The following CYP19A1 variants were observed in gnomAD, a reference collection of about 807,000 sequenced individuals.
CYP19A1 encodes cytochrome P450 family 19 subfamily A member 1, also known as aromatase.
A neutral mutation model predicts 44.4 loss-of-function variants in CYP19A1; 32 were observed. The observed-to-expected ratio is 0.72, with a 90% CI of 0.54 to 0.97. The LOEUF (loss-of-function observed/expected upper bound fraction) is 0.97, where lower values mean the gene tolerates loss of function less well. Among genes scored for constraint, CYP19A1 ranks in the 50% least tolerant of loss-of-function variants. The pLI is 0.00. For synonymous variants in CYP19A1, 212 were observed against 215.6 expected, an observed-to-expected ratio of 0.98 and a Z score of 0.14; for missense variants, 598 against 637.8, an observed-to-expected ratio of 0.94 and a Z score of 0.67.
intron 1 of CYP19A1, among the ~76,000 whole-genome samples, chr15:51,323,469 A>G (rs1008372016): frequency 2.0e-5 from 3 of 152,086 alleles, no homozygotes; most frequent in African/African-American, 4.8e-5. Flanking sequence ...TCCAGCACAA[A>G]ATTTTTGGAT....
chr15:51,306,155 C>T (rs1042090936), intron 1 of CYP19A1, among the ~76,000 whole-genome samples: 3 of 152,170 alleles, frequency 2.0e-5, no homozygotes, highest in Non-Finnish European at 4.4e-5. Flanking sequence ...GTGACTGGTG[C>T]TGGATATGGC....
At chr15:51,328,680 C>T (rs1169062708) in intron 1 of CYP19A1, among the ~76,000 whole-genome samples, 1 of 151,946 alleles carries the variant, frequency 6.6e-6, no homozygotes, top group Non-Finnish European at 1.5e-5. Flanking sequence ...TTTTATGTGT[C>T]AACTTGACTG....
At chr15:51,275,783 GTAGT>G (rs2035285951) in intron 1 of CYP19A1, among the ~76,000 whole-genome samples, 1 of 152,160 alleles carries the variant, frequency 6.6e-6, no homozygotes, top group African/African-American at 2.4e-5. Context: ...GGCCAACCAT[GTAGT>G]TATTGAACAA....
chr15:51,211,383 T>C (rs527811453), intron 9 of CYP19A1, among the ~76,000 whole-genome samples: 1 of 152,320 alleles, frequency 6.6e-6, no homozygotes, highest in East Asian at 1.9e-4. Flanking sequence ...TACTATTGTT[T>C]TATAAGTCAC....
At chr15:51,250,885 G>A (rs1319129002) in intron 1 of CYP19A1, among the ~76,000 whole-genome samples, 1 of 152,244 alleles carries the variant, frequency 6.6e-6, no homozygotes, top group Non-Finnish European at 1.5e-5. Flanking sequence ...AGTAGATAAG[G>A]TAGTGGAATT....
At chr15:51,264,292 G>A (rs1446415177) in intron 1 of CYP19A1, among the ~76,000 whole-genome samples, 3 of 152,104 alleles carry the variant, frequency 2.0e-5, no homozygotes, top group East Asian at 1.9e-4. Flanking sequence ...CATCACTGAC[G>A]GTGCAGTCAT....
chr15:51,249,399 C>T (rs549867992), intron 1 of CYP19A1, among the ~76,000 whole-genome samples: 1 of 152,332 alleles, frequency 6.6e-6, no homozygotes, highest in East Asian at 1.9e-4. Flanking sequence ...CCTGCTTCTT[C>T]TTCTCCTTGC....
intron 1 of CYP19A1, among the ~76,000 whole-genome samples, chr15:51,310,555 T>C (rs923949414): frequency 6.6e-6 from 1 of 152,194 alleles, no homozygotes; most frequent in Non-Finnish European, 1.5e-5. Context: ...GCCATCACCT[T>C]GGCAGCAGCT....
chr15:51,216,985 C>T (rs1011330713), intron 6 of CYP19A1, among the ~76,000 whole-genome samples: 34 of 152,138 alleles, frequency 2.2e-4, no homozygotes, highest in African/African-American at 7.2e-4. Context: ...TTCTGTATTA[C>T]GTTAAATGTA....
chr15:51,259,343 G>A (rs1595730485), intron 1 of CYP19A1, among the ~76,000 whole-genome samples: 1 of 152,136 alleles, frequency 6.6e-6, no homozygotes, highest in Admixed American at 6.5e-5. Context: ...ACATTATTCT[G>A]TCTATATGCA....
At chr15:51,309,126 G>A (rs924264160) in intron 1 of CYP19A1, among the ~76,000 whole-genome samples, 4 of 152,188 alleles carry the variant, frequency 2.6e-5, no homozygotes, top group Admixed American at 1.3e-4. Flanking sequence ...TTATGTGGTG[G>A]GACCTTTTGA....
intron 1 of CYP19A1, among the ~76,000 whole-genome samples, chr15:51,251,891 G>C (rs2034324169): frequency 6.6e-6 from 1 of 152,160 alleles, no homozygotes; most frequent in Non-Finnish European, 1.5e-5. Flanking sequence ...GGGCCACCTA[G>C]CCTCTCTGGA....
At chr15:51,237,445 C>A (rs2033478859) in intron 2 of CYP19A1, among the ~76,000 whole-genome samples, 1 of 152,088 alleles carries the variant, frequency 6.6e-6, no homozygotes, top group African/African-American at 2.4e-5. Context: ...GTTTGAGTGC[C>A]CCGGTTGACA....
At chr15:51,328,951 A>G (rs1752003133) in intron 1 of CYP19A1, among the ~76,000 whole-genome samples, 1 of 152,104 alleles carries the variant, frequency 6.6e-6, no homozygotes, top group Admixed American at 6.5e-5. Flanking sequence ...AAACTGAAAC[A>G]TTGGCTCTTC....
chr15:51,292,389 C>G (rs1401603723), intron 1 of CYP19A1, among the ~76,000 whole-genome samples: 1 of 152,236 alleles, frequency 6.6e-6, no homozygotes, highest in East Asian at 1.9e-4. Context: ...TGCTAGGCTC[C>G]TGGACATCAT....
intron 1 of CYP19A1, among the ~76,000 whole-genome samples, chr15:51,327,280 C>T (rs1303067588): frequency 2.0e-5 from 3 of 152,106 alleles, no homozygotes; most frequent in East Asian, 3.9e-4. Flanking sequence ...CAGAATCAAG[C>T]GCCAGGGCTA....
At chr15:51,296,594 A>C (rs1219317243) in intron 1 of CYP19A1, among the ~76,000 whole-genome samples, 1 of 152,174 alleles carries the variant, frequency 6.6e-6, no homozygotes, top group African/African-American at 2.4e-5. Flanking sequence ...ATAGTGCTAA[A>C]TTCAGTTTAA....
rs1157301044 is a variant in CYP19A1 at position 51,223,591 on chromosome 15, T to TCACACACACACACACA, written c.452-1067_452-1066insTGTGTGTGTGTGTGTG. 2.3e-4 allele frequency among the ~76,000 whole-genome samples: 13 copies of TCACACACACACACACA among 56,986 alleles called. No individual in the cohort carries two copies. In the South Asian group the frequency reaches 5.6e-3, roughly 25 times the overall value. The allele number at this position is 56,986 out of a possible 152,430, so 37.4% of individuals were successfully genotyped here. On this transcript the variant is annotated intron_variant, in intron 4 of 9. Coordinates refer to ENST00000396402, the MANE Select transcript of CYP19A1 (RefSeq NM_000103.4). Reference sequence around the variant, plus strand: ...CTCTTGCTCTCTCTCTCTCTCTCTCTCTCACACACACACACACACACACAC... The same window carrying TCACACACACACACACA: ...CTCTTGCTCTCTCTCTCTCTCTCTCTCACACACACACACACACTCACACACACACACACACACACAC...
rs527500675 is a variant in CYP19A1, at chr15:51,212,579, A to C, written c.1022-18T>G. 2 of 1,414,882 alleles carry C rather than the reference A, an allele frequency of 1.4e-6. No individual in the cohort carries two copies. Among genetic ancestry groups the C allele is most frequent in the Non-Finnish European group, 2.0e-6 (2 of 998,162 alleles). The allele number at this position is 1,414,882 out of a possible 1,614,324, so 87.6% of individuals were successfully genotyped here. ...TCTCTCACCTGTGGAAACAGATAAA[A>C]GGAACAAAGAAGGTAATGTTAGTTT... is the stretch of plus-strand genomic sequence containing the variant. On this transcript the variant is annotated intron_variant, in intron 8 of 9. Coordinates refer to ENST00000396402, the MANE Select transcript of CYP19A1 (RefSeq NM_000103.4).
Sources: gnomAD v4.1 joint callset for allele counts (sites outside exome capture counted in the v4.1 genomes callset) on GRCh38, gnomAD v4.1.1 for gene constraint, MANE v1.5 for transcripts, NCBI Gene and HGNC (gene_info 2026-07-23, HGNC 2026-07-21) for gene names.